RARS2: variants seen among roughly 807,000 people sequenced by gnomAD.
RARS2 encodes the protein probable arginine--tRNA ligase, mitochondrial.
In RARS2, 67 loss-of-function variants were observed where a neutral mutation model predicts 88.5. The observed-to-expected ratio is 0.76, with a 90% confidence interval of 0.62 to 0.93. RARS2 has a LOEUF of 0.93. RARS2 is among the 40% of genes least tolerant of loss of function. The pLI, the probability that RARS2 is intolerant of heterozygous loss-of-function variation, is 0.00. For missense variants in RARS2, 664 were observed against 684.2 expected (o/e 0.97, Z 0.33); for synonymous variants, 239 against 230.3 (o/e 1.04, Z -0.34).
chr6:87,516,293 C>G (rs927390954), intron 18 of RARS2, among the ~76,000 whole-genome samples: 1 of 152,008 alleles, frequency 6.6e-6, no homozygotes, highest in African/African-American at 2.4e-5. Flanking sequence ...GCTTAAAATC[C>G]CTGTATGGAC....
chr6:87,540,178 G>A (rs773174922), intron 8 of RARS2, among the ~76,000 whole-genome samples: 19 of 151,850 alleles, frequency 1.3e-4, no homozygotes, highest in Admixed American at 2.6e-4. Flanking sequence ...GGCTAGGTGC[G>A]GTGGCTAACA....
chr6:87,549,541 G>C (rs1012522470), intron 5 of RARS2, among the ~76,000 whole-genome samples: 15 of 148,990 alleles, frequency 1.0e-4, no homozygotes. Context: ...GTAAGATTCT[G>C]TCTGTAAAAT....
At chr6:87,533,198 T>G (rs1217883503) in intron 8 of RARS2, among the ~76,000 whole-genome samples, 1 of 152,144 alleles carries the variant, frequency 6.6e-6, no homozygotes, top group Non-Finnish European at 1.5e-5. Flanking sequence ...AAATCTATTA[T>G]GCATTATGAT....
At chr6:87,539,366 T>C (rs1220058398) in intron 8 of RARS2, among the ~76,000 whole-genome samples, 4 of 152,344 alleles carry the variant, frequency 2.6e-5, no homozygotes, top group African/African-American at 4.8e-5. Flanking sequence ...AGACCTGTCA[T>C]AACATCCTTA....
chr6:87,557,190 C>A (rs541181370), intron 4 of RARS2, among the ~76,000 whole-genome samples: 1 of 152,108 alleles, frequency 6.6e-6, no homozygotes, highest in South Asian at 2.1e-4. Flanking sequence ...TTAATGGATG[C>A]AAAAACTAAG....
intron 1 of RARS2, among the ~76,000 whole-genome samples, chr6:87,575,858 C>T (rs912997538): frequency 2.0e-5 from 3 of 150,964 alleles, no homozygotes; most frequent in African/African-American, 7.3e-5. Context: ...CTTTTGTCAC[C>T]CAGGCTAGAG....
intron 8 of RARS2, among the ~76,000 whole-genome samples, chr6:87,536,722 G>A (rs1418617847): frequency 6.6e-6 from 1 of 151,610 alleles, no homozygotes; most frequent in Non-Finnish European, 1.5e-5. Flanking sequence ...AAAGCTTATT[G>A]CAAATGTTTT....
chr6:87,555,023 G>A (rs909254895), intron 5 of RARS2, among the ~76,000 whole-genome samples: 3 of 151,912 alleles, frequency 2.0e-5, no homozygotes, highest in African/African-American at 7.3e-5. Context: ...AGAATGGCGT[G>A]AACCCAGGAG....
chr6:87,553,487 G>C (rs1055405428), intron 5 of RARS2, among the ~76,000 whole-genome samples: 2 of 152,066 alleles, frequency 1.3e-5, no homozygotes, highest in African/African-American at 4.8e-5. Context: ...CTGATCTGTC[G>C]CAACTATTCA....
rs1381912445 is a variant in RARS2 at position 87,519,589 on chromosome 6, T to C, written c.1231A>G (p.Ile411Val). The C allele has an allele frequency of 3.1e-6, 5 of 1,612,238 alleles. No homozygotes were observed. Among genetic ancestry groups the C allele is most frequent in the Non-Finnish European group, 3.4e-6 (4 of 1,178,274 alleles). The stretch of plus-strand genomic sequence containing the variant: ...AAGAAAAAACTGAATTCACTCTTAA[T>C]TGAAGCCATGTTCTGTAGCATCCTT... ...QLRMLQNMAS[I>V]KTTKELKNPQ... The change falls in exon 14 of 20, where the codon ATT becomes GTT. Residue 411 changes from isoleucine to valine, a missense_variant. Transcript: ENST00000369536.
At chr6:87,540,665 G>A (rs1019187425) in intron 8 of RARS2, among the ~76,000 whole-genome samples, 4 of 152,032 alleles carry the variant, frequency 2.6e-5, no homozygotes, top group East Asian at 1.9e-4. Flanking sequence ...GGCTGACTTC[G>A]TATCCGCGTT....
At chr6:87,581,703 GGTA>G (rs1276254976) in intron 1 of RARS2, among the ~76,000 whole-genome samples, 28 of 152,184 alleles carry the variant, frequency 1.8e-4, no homozygotes, top group African/African-American at 6.7e-4. Context: ...CCATCACCTA[GGTA>G]TTAAGCACCA....
intron 8 of RARS2, among the ~76,000 whole-genome samples, chr6:87,537,091 C>T (rs541803013): frequency 3.9e-5 from 6 of 152,308 alleles, no homozygotes; most frequent in African/African-American, 1.2e-4. Context: ...ACTGAATATA[C>T]TAATACTGAT....
At chr6:87,525,691 C>G (rs1177522242) in intron 10 of RARS2, among the ~76,000 whole-genome samples, 1 of 151,878 alleles carries the variant, frequency 6.6e-6, no homozygotes, top group African/African-American at 2.4e-5. Context: ...TGGAATTAGG[C>G]GCGCGCCACC....
intron 6 of RARS2, among the ~76,000 whole-genome samples, chr6:87,546,775 C>G (rs913941554): frequency 6.6e-6 from 1 of 152,114 alleles, no homozygotes; most frequent in Non-Finnish European, 1.5e-5. Context: ...GCAAATAAAC[C>G]CTCACCAATA....
chr6:87,585,108 T>C (rs1383261941), intron 1 of RARS2, among the ~76,000 whole-genome samples: 1 of 151,706 alleles, frequency 6.6e-6, no homozygotes, highest in East Asian at 1.9e-4. Context: ...CAAGATGGAG[T>C]TCCTTTAGCC....
intron 14 of RARS2, 84 bp from the exon 15 acceptor site, chr6:87,518,975 A>C: frequency 7.9e-7 from 1 of 1,272,488 alleles, no homozygotes; most frequent in Non-Finnish European, 1.1e-6. Context: ...TCTGCCAAAA[A>C]TGTATGCTGA....
chr6:87,588,118 C>G (rs527717286), intron 1 of RARS2, among the ~76,000 whole-genome samples: 94 of 152,198 alleles, frequency 6.2e-4, no homozygotes, highest in Middle Eastern at 6.8e-3. Flanking sequence ...CAAAACTAAA[C>G]ACAATTTGTT....
intron 5 of RARS2, 147 bp downstream of exon 5, chr6:87,555,261 T>A: frequency 1.6e-6 from 1 of 613,298 alleles, no homozygotes; most frequent in East Asian, 2.8e-5. Context: ...AATGATTGAT[T>A]CACTGTGATT....
Sources: allele counts gnomAD v4.1 joint callset (sites outside exome capture counted in the v4.1 genomes callset), GRCh38; gene constraint gnomAD v4.1.1; transcripts MANE v1.5; gene names NCBI Gene and HGNC (gene_info 2026-07-23, HGNC 2026-07-21).